TBC1D8: variants seen among roughly 807,000 people sequenced by gnomAD.
TBC1D8 encodes the protein TBC1 domain family member 8, also known as BUB2-like protein 1.
TBC1D8 carries 65 observed loss-of-function variants against 118.8 expected under a neutral mutation model. The observed-to-expected ratio is 0.55, with a 90% CI of 0.45 to 0.67. The LOEUF (loss-of-function observed/expected upper bound fraction) is 0.67. Ranked by LOEUF, TBC1D8 falls within the 30% of genes least tolerant of loss-of-function variation. TBC1D8 has a pLI of 0.00. For missense variants in TBC1D8, 1,376 were observed against 1,471.2 expected (o/e 0.94, Z 1.06); for synonymous variants, 566 against 595.8 (o/e 0.95, Z 0.73).
chr2:101,151,179 G>C lies in TBC1D8; in HGVS notation c.75C>G (p.Tyr25Ter). Reference protein sequence around the residue: ...KLWVTQKSSCYFILQRRRGHG... With the variant: ...KLWVTQKSSC ...GCCCGCGGCGCCGCTGCAGGATGAA[G>C]TAGCAGCTGCTCTTCTGGGTCACCC... The change falls in exon 1 of 20, where the codon TAC becomes TAG. Residue 25 changes from tyrosine to a stop codon, truncating the protein, a stop_gained. Coordinates refer to ENST00000409318, the MANE Select transcript of TBC1D8 (RefSeq NM_001330348.2). LOFTEE classifies it high-confidence loss of function. The C allele has an allele frequency of 1.6e-6, 2 of 1,248,518 alleles. No homozygotes were observed. Among genetic ancestry groups the C allele is most frequent in the Non-Finnish European group, 2.1e-6 (2 of 969,998 alleles). 77.3% of individuals were successfully genotyped at this position (1,248,518 alleles called of 1,614,324 possible).
chr2:101,083,152 A>T (rs1675375151), intron 2 of TBC1D8, among the ~76,000 whole-genome samples: 1 of 151,124 alleles, frequency 6.6e-6, no homozygotes, highest in Non-Finnish European at 1.5e-5. Context: ...AACTGCTGAG[A>T]CTCCCCTCCT....
chr2:101,108,578 T>TTCTAA (rs1287995684), intron 1 of TBC1D8, among the ~76,000 whole-genome samples: 15 of 152,180 alleles, frequency 9.9e-5, no homozygotes, highest in African/African-American at 3.6e-4. Context: ...GACCAACAAC[T>TTCTAA]TTACTTGGCT....
intron 1 of TBC1D8, among the ~76,000 whole-genome samples, chr2:101,139,589 C>A (rs1008259597): frequency 5.9e-5 from 9 of 152,192 alleles, no homozygotes; most frequent in African/African-American, 2.2e-4. Context: ...GCCCATGCCT[C>A]AGTCCCCTCT....
At chr2:101,034,439 C>T (rs944026426) in intron 9 of TBC1D8, among the ~76,000 whole-genome samples, 11 of 152,204 alleles carry the variant, frequency 7.2e-5, no homozygotes, top group South Asian at 2.1e-4. Flanking sequence ...GCCAGCAGCA[C>T]GGCGCCCACA....
intron 1 of TBC1D8, among the ~76,000 whole-genome samples, chr2:101,140,730 G>A (rs982834256): frequency 2.0e-5 from 3 of 149,802 alleles, no homozygotes; most frequent in South Asian, 2.1e-4. Context: ...ATCCACCTTC[G>A]CATCTCCAAA....
intron 1 of TBC1D8, among the ~76,000 whole-genome samples, chr2:101,141,162 C>G (rs76254199): frequency 6.6e-6 from 1 of 151,952 alleles, no homozygotes; most frequent in Non-Finnish European, 1.5e-5. Flanking sequence ...ACACTCACAC[C>G]CCAGTTATGC....
intron 8 of TBC1D8, 25 bp from the exon 9 acceptor site, chr2:101,036,193 T>C: frequency 6.2e-7 from 1 of 1,607,338 alleles, no homozygotes. Flanking sequence ...ATTCTTAATG[T>C]ACAAAGAAGT....
At chr2:101,067,579 G>A (rs1310343407) in intron 2 of TBC1D8, among the ~76,000 whole-genome samples, 2 of 152,178 alleles carry the variant, frequency 1.3e-5, no homozygotes, top group Non-Finnish European at 2.9e-5. Context: ...CTTCTAAAAA[G>A]TACATGTCTT....
At chr2:101,109,209 G>A (rs1421933985) in intron 1 of TBC1D8, among the ~76,000 whole-genome samples, 1 of 152,084 alleles carries the variant, frequency 6.6e-6, no homozygotes, top group African/African-American at 2.4e-5. Flanking sequence ...ACCACCCACG[G>A]TACAAAGGAC....
At chr2:101,026,007 G>A (rs1489034601) in intron 15 of TBC1D8, among the ~76,000 whole-genome samples, 1 of 152,192 alleles carries the variant, frequency 6.6e-6, no homozygotes, top group Non-Finnish European at 1.5e-5. Context: ...TCATAGGAAG[G>A]ATAAAAACAG....
Position 101,007,233 on chromosome 2 carries a change from A to G in TBC1D8, c.*588T>C, listed in dbSNP as rs577502468. On this transcript the variant is annotated 3_prime_UTR_variant, in exon 20 of 20. Transcript: ENST00000409318. ...GGTAAAAGAAAAGGACCAAGTAAAT[A>G]CAAAAAGTTTCTTATTAAAAAACTT... is the stretch of plus-strand genomic sequence containing the variant. The G allele has an allele frequency of 6.6e-6, 1 of 152,512 alleles. No individual in the cohort carries two copies. Among genetic ancestry groups the G allele is most frequent in the South Asian group, 2.1e-4 (1 of 4,826 alleles). The allele number at this position is 152,512 out of a possible 1,614,324, so 9.4% of individuals were successfully genotyped here.
At chr2:101,031,059 A>G (rs1413160084) in intron 11 of TBC1D8, among the ~76,000 whole-genome samples, 4 of 152,238 alleles carry the variant, frequency 2.6e-5, no homozygotes, top group Admixed American at 2.6e-4. Flanking sequence ...CAGTGTCCAC[A>G]CAGGCACGGG....
chr2:101,008,048 T>G lies in TBC1D8; in HGVS notation c.3241A>C (p.Thr1081Pro). 6.2e-7 allele frequency: 1 copy of G among 1,613,880 alleles called. No homozygotes were observed. The highest frequency in any genetic ancestry group is 8.5e-7 in the Non-Finnish European group (1 of 1,179,854). The change falls in exon 20 of 20, where the codon ACG (threonine) becomes CCG (proline). Residue 1081 changes from threonine to proline, a missense_variant. Thr to Pro is a conservative substitution (Grantham distance 38). Transcript: ENST00000409318. Reference protein sequence around the residue: ...EDSVFADTGKTPQDSQAFPEA... With the variant: ...EDSVFADTGKPPQDSQAFPEA... ...GGAAATGCCTGGGAGTCCTGGGGCGTCTTCCCAGTGTCTGCAAAAACCGAG... is the reference window on the plus strand; with the variant it reads ...GGAAATGCCTGGGAGTCCTGGGGCGGCTTCCCAGTGTCTGCAAAAACCGAG...
intron 11 of TBC1D8, among the ~76,000 whole-genome samples, chr2:101,031,260 C>A (rs1417051346): frequency 6.6e-6 from 1 of 152,226 alleles, no homozygotes; most frequent in Non-Finnish European, 1.5e-5. Flanking sequence ...CACTCAGGCA[C>A]ACGAAGGAGC....
intron 1 of TBC1D8, among the ~76,000 whole-genome samples, chr2:101,101,561 G>A (rs961387918): frequency 6.6e-6 from 1 of 152,044 alleles, no homozygotes. Context: ...ATACCCAAAG[G>A]AATATCAATC....
At chr2:101,030,751 C>T (rs759960001) in intron 11 of TBC1D8, among the ~76,000 whole-genome samples, 13 of 152,168 alleles carry the variant, frequency 8.5e-5, no homozygotes, top group Non-Finnish European at 1.5e-4. Flanking sequence ...AACTCAAATG[C>T]GCATCAGCAG....
intron 2 of TBC1D8, among the ~76,000 whole-genome samples, chr2:101,062,592 T>C (rs993393078): frequency 6.6e-6 from 1 of 152,222 alleles, no homozygotes; most frequent in African/African-American, 2.4e-5. Flanking sequence ...AATGACTCTC[T>C]ACAACTTCAA....
At chr2:101,087,643 CAAA>C (rs34582477) in intron 2 of TBC1D8, among the ~76,000 whole-genome samples, 2 of 104,890 alleles carry the variant, frequency 1.9e-5, no homozygotes, top group Non-Finnish European at 4.0e-5. Context: ...GACTCTGTCT[CAAA>C]AAAAAAAAAA....
chr2:101,112,831 A>T (rs900194431), intron 1 of TBC1D8, among the ~76,000 whole-genome samples: 2 of 152,174 alleles, frequency 1.3e-5, no homozygotes, highest in African/African-American at 4.8e-5. Context: ...GAACAATATG[A>T]CACTATGTTG....
Sources: gnomAD v4.1 joint callset for allele counts (sites outside exome capture counted in the v4.1 genomes callset) on GRCh38, gnomAD v4.1.1 for gene constraint, MANE v1.5 for transcripts, NCBI Gene and HGNC (gene_info 2026-07-23, HGNC 2026-07-21) for gene names.